The following NREP variants were observed in gnomAD, a reference collection of about 807,000 sequenced individuals.
NREP encodes the protein neuronal regeneration-related protein.
In NREP, 5 loss-of-function variants were observed where a neutral mutation model predicts 8.6. That is an observed-to-expected ratio of 0.58 (90% confidence interval 0.30 to 1.22). The LOEUF is 1.22. Among genes scored for constraint, NREP ranks in the 50% most tolerant of loss-of-function variants. The pLI is 0.07. For missense variants in NREP, 86 were observed against 82.5 expected, an observed-to-expected ratio of 1.04 and a Z score of -0.17; for synonymous variants, 27 against 28.0, an observed-to-expected ratio of 0.96 and a Z score of 0.11.
intron 2 of NREP, among the ~76,000 whole-genome samples, chr5:111,881,523 C>A (rs980010665): frequency 1.3e-5 from 2 of 152,170 alleles, no homozygotes; most frequent in African/African-American, 4.8e-5. Flanking sequence ...GGCAGACTGC[C>A]TCCTCAAGTG....
At chr5:111,960,926 T>C (rs942084305) in intron 2 of NREP, among the ~76,000 whole-genome samples, 1 of 152,214 alleles carries the variant, frequency 6.6e-6, no homozygotes, top group Non-Finnish European at 1.5e-5. Flanking sequence ...AATCAATCTA[T>C]GAGCCAAAAT....
At chr5:111,925,103 C>G (rs1008310317) in intron 2 of NREP, among the ~76,000 whole-genome samples, 1 of 152,074 alleles carries the variant, frequency 6.6e-6, no homozygotes, top group Non-Finnish European at 1.5e-5. Context: ...AACAGAGAGA[C>G]CAGCTCCAGT....
intron 2 of NREP, among the ~76,000 whole-genome samples, chr5:111,877,511 G>C (rs1363698244): frequency 7.9e-5 from 12 of 152,198 alleles, no homozygotes; most frequent in Non-Finnish European, 4.4e-5. Flanking sequence ...TGACAGCAGG[G>C]AGATTGGGAG....
At position 111,789,506 on chromosome 5, in the gene NREP, G is replaced by A. The variant is rs1357236951; in HGVS notation, c.136-53999C>T. ...TAGACTTATCTTTGACAAATTCCTA[G>A]CTTGATTTTCTTAAGCCCATATTTT... On this transcript the variant is annotated intron_variant, in intron 2 of 3. Transcript: ENST00000395634. Among the ~76,000 whole-genome samples, 44 of 152,096 alleles carry A rather than the reference G, an allele frequency of 2.9e-4. 1 individual carries two copies. Among genetic ancestry groups the A allele is most frequent in the Admixed American group, 2.9e-3 (44 of 15,266 alleles).
At chr5:111,916,428 G>A (rs1262146025) in intron 2 of NREP, among the ~76,000 whole-genome samples, 2 of 152,062 alleles carry the variant, frequency 1.3e-5, no homozygotes, top group African/African-American at 4.8e-5. Context: ...TGCTGCCTTA[G>A]AAAAGTCTAT....
intron 2 of NREP, among the ~76,000 whole-genome samples, chr5:111,838,727 T>G (rs1029860841): frequency 6.6e-6 from 1 of 151,970 alleles, no homozygotes; most frequent in Non-Finnish European, 1.5e-5. Context: ...GTGTGTGTGT[T>G]TGTATGCATA....
intron 2 of NREP, among the ~76,000 whole-genome samples, chr5:111,809,311 C>T (rs2112912246): frequency 6.6e-6 from 1 of 152,328 alleles, no homozygotes; most frequent in East Asian, 1.9e-4. Context: ...CCTGCTCCAT[C>T]CATAGTTCCC....
At chr5:111,953,081 T>C (rs2112637938) in intron 2 of NREP, among the ~76,000 whole-genome samples, 1 of 152,260 alleles carries the variant, frequency 6.6e-6, no homozygotes, top group East Asian at 1.9e-4. Context: ...CTTTTTATGA[T>C]TAGATATCTT....
chr5:111,939,934 C>CA (rs945367944), intron 2 of NREP: 1 of 151,984 alleles, frequency 6.6e-6, no homozygotes, highest in African/African-American at 2.4e-5. Flanking sequence ...GATCAGCTGA[C>CA]AAAAATACTG....
rs149936706 is a variant in NREP, at chr5:111,888,195, G to T, written c.135+87079C>A. Among the ~76,000 whole-genome samples, 274 of 152,306 alleles carry T rather than the reference G, an allele frequency of 1.8e-3. 3 individuals are homozygous for T. The highest frequency in any genetic ancestry group is 6.4e-3 in the African/African-American group (266 of 41,562). On this transcript the variant is annotated intron_variant, in intron 2 of 3. Transcript: ENST00000395634. ...TTTAAATTATGAAGCATTAATGATT[G>T]CCAATAATTATCTTTAGTAAGATGC...
intron 2 of NREP, among the ~76,000 whole-genome samples, chr5:111,865,582 A>G (rs150517268): frequency 7.2e-4 from 109 of 152,288 alleles, no homozygotes; most frequent in African/African-American, 2.6e-3. Context: ...TGGCACTAAG[A>G]CTAATAGAGA....
At chr5:111,851,305 A>G (rs2112467939) in intron 2 of NREP, among the ~76,000 whole-genome samples, 1 of 152,328 alleles carries the variant, frequency 6.6e-6, no homozygotes, top group Middle Eastern at 3.4e-3. Context: ...GCTCATTTTT[A>G]TGACGTAGTC....
chr5:111,920,909 T>G (rs1755219711), intron 2 of NREP, among the ~76,000 whole-genome samples: 1 of 152,146 alleles, frequency 6.6e-6, no homozygotes. Flanking sequence ...GAGAGGGCTG[T>G]GCTTACTGGG....
At chr5:111,794,684 G>A (rs1268545062) in intron 2 of NREP, among the ~76,000 whole-genome samples, 1 of 152,140 alleles carries the variant, frequency 6.6e-6, no homozygotes, top group East Asian at 1.9e-4. Flanking sequence ...AGAGGTGAGA[G>A]GGATGAATAG....
chr5:111,889,329 C>G (rs915609102), intron 2 of NREP, among the ~76,000 whole-genome samples: 1 of 152,186 alleles, frequency 6.6e-6, no homozygotes, highest in African/African-American at 2.4e-5. Flanking sequence ...TGATAACTCA[C>G]TCACTATACC....
In NREP at chr5:111,840,079, TA is replaced by T. The variant is rs767004040; in HGVS notation, c.136-104573del. 2.0e-5 allele frequency among the ~76,000 whole-genome samples: 3 copies of T among 152,090 alleles called. No homozygotes were observed. The South Asian group carries it at 6.2e-4, about 32-fold the overall frequency. On this transcript the variant is annotated intron_variant, in intron 2 of 3. Transcript: ENST00000395634. ...GTTTAGTGATTTAAGTATAATGACATAAGTTATTTAGCGATTTAGGTATAAT... is the reference window on the plus strand; with the variant it reads ...GTTTAGTGATTTAAGTATAATGACATAGTTATTTAGCGATTTAGGTATAAT...
intron 2 of NREP, among the ~76,000 whole-genome samples, chr5:111,807,456 A>G (rs1752167526): frequency 6.6e-6 from 1 of 152,222 alleles, no homozygotes; most frequent in African/African-American, 2.4e-5. Flanking sequence ...AACCAATTTC[A>G]TCATGTTATG....
intron 2 of NREP, among the ~76,000 whole-genome samples, chr5:111,945,988 A>G (rs1313316656): frequency 2.6e-5 from 4 of 151,854 alleles, no homozygotes; most frequent in Non-Finnish European, 5.9e-5. Context: ...ACACATTGCC[A>G]TTCCCAAAGC....
At chr5:111,743,873 G>A (rs1178575535) in intron 2 of NREP, among the ~76,000 whole-genome samples, 1 of 151,952 alleles carries the variant, frequency 6.6e-6, no homozygotes, top group Non-Finnish European at 1.5e-5. Context: ...CTTTCCTTCT[G>A]TCCAAAAATT....
Sources: allele counts gnomAD v4.1 joint callset (sites outside exome capture counted in the v4.1 genomes callset), GRCh38; gene constraint gnomAD v4.1.1; transcripts MANE v1.5; gene names NCBI Gene and HGNC (gene_info 2026-07-23, HGNC 2026-07-21).